ATP2A3: variants seen among roughly 807,000 people sequenced by gnomAD.
ATP2A3 encodes the protein ATPase sarcoplasmic/endoplasmic reticulum Ca2+ transporting 3, also known as sarcoplasmic/endoplasmic reticulum calcium ATPase 3.
Under a neutral mutation model 106.8 loss-of-function variants are expected in ATP2A3, and 61 were observed. The observed-to-expected ratio is 0.57, with a 90% CI of 0.46 to 0.71. The LOEUF is 0.71. Ranked by LOEUF, ATP2A3 falls within the 30% of genes least tolerant of loss-of-function variation. ATP2A3 has a pLI of 0.00. For synonymous variants in ATP2A3, 611 were observed against 609.3 expected (o/e 1.00, Z -0.04); for missense variants, 1,201 against 1,423.5 (o/e 0.84, Z 2.52).
chr17:3,927,155 C>T, intron 20 of ATP2A3: 1 of 985,434 alleles, frequency 1.0e-6, no homozygotes, highest in Non-Finnish European at 1.2e-6. Context: ...CAGCAGGAAT[C>T]TCTCCCTCCC....
chr17:3,926,744 A>G lies in ATP2A3; in HGVS notation c.2981-1303T>C, dbSNP rs1400500073. The G allele has an allele frequency of 5.4e-6, 3 of 554,448 alleles. No individual in the cohort carries two copies. The highest frequency in any genetic ancestry group is 6.9e-6 in the Non-Finnish European group (3 of 436,480). The allele number at this position is 554,448 out of a possible 1,614,324, so 34.3% of individuals were successfully genotyped here. On this transcript the variant is annotated intron_variant, in intron 20 of 20. Coordinates refer to ENST00000397041, the MANE Select transcript of ATP2A3 (RefSeq NM_005173.4). This position sits in a 1 kb window ranked among gnomAD's most constrained non-coding sequence, Gnocchi z 4.6. The stretch of plus-strand genomic sequence containing the variant: ...GCCACCACGCCCAGCTAATTTTTGT[A>G]TCTTTAGTAGAGATGGGGTTTCACC...
In ATP2A3 at chr17:3,942,693, C is replaced by A; in HGVS notation, c.1458G>T (p.Glu486Asp). The change falls in exon 12 of 21, where the codon GAG becomes GAT. Residue 486 changes from glutamate (E) to aspartate (D), a missense_variant. This residue lies in a region of ATP2A3 where 935 missense variants were observed against 1,176.7 expected (regional missense o/e 0.79). Transcript: ENST00000397041. Reference sequence around the variant, plus strand: ...ACATGGATTTCCGGTCTCGGGAGAACTCCAGGGTGAACTCCTTCCGCATCA... The same window carrying A: ...ACATGGATTTCCGGTCTCGGGAGAAATCCAGGGTGAACTCCTTCCGCATCA... ...KQLMRKEFTL[E>D]FSRDRKSMSV... The A allele has an allele frequency of 1.2e-6, 2 of 1,613,656 alleles. No individual in the cohort carries two copies. Among genetic ancestry groups the A allele is most frequent in the South Asian group, 2.2e-5 (2 of 91,084 alleles).
At chr17:3,956,047 A>G (rs2054761056) in intron 1 of ATP2A3, among the ~76,000 whole-genome samples, 1 of 151,864 alleles carries the variant, frequency 6.6e-6, no homozygotes, top group African/African-American at 2.4e-5. Flanking sequence ...ACGCCCAGCT[A>G]ATTTTTGTAT....
intron 1 of ATP2A3, among the ~76,000 whole-genome samples, chr17:3,962,695 A>G (rs1025838775): frequency 2.1e-5 from 3 of 144,582 alleles, no homozygotes; most frequent in South Asian, 2.3e-4. Context: ...CGCTGGACCA[A>G]TGAAGACATG....
intron 8 of ATP2A3, 127 bp from the exon 9 acceptor site, chr17:3,945,275 C>G: frequency 1.2e-6 from 1 of 812,474 alleles, no homozygotes; most frequent in Non-Finnish European, 1.9e-6. Flanking sequence ...CCTGGCCGTC[C>G]GTGCCCACCA....
At chr17:3,937,388 G>T in intron 15 of ATP2A3, 28 bp downstream of exon 15, 2 of 1,600,992 alleles carry the variant, frequency 1.2e-6, no homozygotes, top group Non-Finnish European at 1.7e-6. Flanking sequence ...GATTGAGAGG[G>T]CTGAGAGGAG....
In ATP2A3 at chr17:3,925,244, G is replaced by A. The variant is rs2052637628; in HGVS notation, c.*178C>T. The stretch of plus-strand genomic sequence containing the variant: ...ACCTCCCAGGCCAGAAGGAAGTGGG[G>A]ACAGAGACCCCAGGACGGGGCCCGG... On this transcript the variant is annotated 3_prime_UTR_variant, in exon 21 of 21. Coordinates refer to ENST00000397041, the MANE Select transcript of ATP2A3 (RefSeq NM_005173.4). This position sits in a 1 kb window ranked among gnomAD's most constrained non-coding sequence, Gnocchi z 4.2. 9.3e-6 allele frequency: 9 copies of A among 963,584 alleles called. No homozygotes were observed. In the South Asian group the frequency reaches 1.3e-4, roughly 14 times the overall value. 59.7% of individuals were successfully genotyped at this position (963,584 alleles called of 1,614,324 possible). A position where few individuals can be genotyped will look rare whatever the true frequency, so the allele number is the denominator to read the frequency against.
intron 1 of ATP2A3, among the ~76,000 whole-genome samples, chr17:3,959,987 G>A (rs2055050651): frequency 6.6e-6 from 1 of 152,204 alleles, no homozygotes; most frequent in African/African-American, 2.4e-5. Context: ...CTCCTGGGGG[G>A]CTTCAGCTGC....
chr17:3,964,125 C>T (rs1234196851), intron 1 of ATP2A3, 49 bp downstream of exon 1: 2 of 1,013,412 alleles, frequency 2.0e-6, no homozygotes. Flanking sequence ...ACTGAGACTG[C>T]GGCGCGCGCG....
At chr17:3,960,895 G>A (rs2055101057) in intron 1 of ATP2A3, among the ~76,000 whole-genome samples, 1 of 152,228 alleles carries the variant, frequency 6.6e-6, no homozygotes, top group South Asian at 2.1e-4. Context: ...GTGACATGAT[G>A]TGGCAACAAG....
At chr17:3,958,755 T>C (rs1033726706) in intron 1 of ATP2A3, among the ~76,000 whole-genome samples, 3 of 146,324 alleles carry the variant, frequency 2.1e-5, no homozygotes, top group Non-Finnish European at 3.0e-5. Flanking sequence ...CACACATATA[T>C]ATACACACAC....
At chr17:3,948,552 C>T (rs1355053829) in intron 7 of ATP2A3, among the ~76,000 whole-genome samples, 1 of 152,176 alleles carries the variant, frequency 6.6e-6, no homozygotes, top group East Asian at 1.9e-4. Context: ...TCCAAAGCTT[C>T]TTTTTATTAT....
At position 3,943,402 on chromosome 17, in the gene ATP2A3, C is replaced by T. The variant is rs757389317; in HGVS notation, c.1408G>A (p.Ala470Thr). ...CCAGCCCTGCTCACCGTGTTACAGG[C>T]GCCAGCTCGCTCCACCCGGGACAGA... ...QALSRVERAG[A>T]CNTVIKQLMR... Residue 470 changes from alanine to threonine, a missense_variant, in exon 11 of 21, where the codon GCC becomes ACC. By Grantham distance (58) the Ala-to-Thr change is moderately conservative. Coordinates refer to ENST00000397041, the MANE Select transcript of ATP2A3 (RefSeq NM_005173.4). 19 of 1,613,820 alleles carry T rather than the reference C, an allele frequency of 1.2e-5. No homozygotes were observed. Among genetic ancestry groups the T allele is most frequent in the African/African-American group, 2.7e-5 (2 of 74,906 alleles).
intron 10 of ATP2A3, 100 bp downstream of exon 10, chr17:3,944,603 AG>A (rs369402338): frequency 2.9e-5 from 37 of 1,264,610 alleles, no homozygotes; most frequent in Middle Eastern, 3.8e-4. Context: ...TGGCACTTCC[AG>A]GGAGCAAGGG....
At chr17:3,946,121 G>A (rs2054100465) in intron 8 of ATP2A3, among the ~76,000 whole-genome samples, 5 of 151,660 alleles carry the variant, frequency 3.3e-5, no homozygotes, top group Admixed American at 2.0e-4. Flanking sequence ...GGTGGCACGC[G>A]CCTGTAGTCC....
In ATP2A3 at chr17:3,932,064, G is replaced by A. The variant is rs896603694; in HGVS notation, c.2611-1630C>T. 3.9e-5 allele frequency among the ~76,000 whole-genome samples: 6 copies of A among 152,334 alleles called. No individual in the cohort carries two copies. In the East Asian group the frequency reaches 9.6e-4, roughly 24 times the overall value. On this transcript the variant is annotated intron_variant, in intron 17 of 20. Transcript: ENST00000397041. The stretch of plus-strand genomic sequence containing the variant: ...AGAGAATCTGATAATCTCTTAAATC[G>A]ATAGTGGACGTTTTCTCCAAAACTC...
rs2054168532 is a variant in ATP2A3, at chr17:3,947,341, G to T, written c.1095+50C>A. On this transcript the variant is annotated intron_variant, in intron 8 of 20. Transcript: ENST00000397041. The surrounding 1 kb of genome is among the most constrained non-coding windows in gnomAD (Gnocchi z 7.7). ...GGTGGGGGAGAGACCCAGAGAGGGAGCCCAGCCTGCTCTGCAACGCACAGC... is the reference window on the plus strand; with the variant it reads ...GGTGGGGGAGAGACCCAGAGAGGGATCCCAGCCTGCTCTGCAACGCACAGC... 2 of 1,605,304 alleles carry T rather than the reference G, an allele frequency of 1.2e-6. No homozygotes were observed. The highest frequency in any genetic ancestry group is 1.7e-6 in the Non-Finnish European group (2 of 1,173,820).
In ATP2A3 at chr17:3,936,525, G is replaced by C; in HGVS notation, c.2322-56C>G. On this transcript the variant is annotated intron_variant, in intron 15 of 20. Transcript: ENST00000397041. The surrounding 1 kb of genome is among the most constrained non-coding windows in gnomAD (Gnocchi z 5.4). ...TAGGCCTAGCCCCCGGCAGATGCAG[G>C]CTCCAGCTCCTGCTCAGACCCAAGG... is the stretch of plus-strand genomic sequence containing the variant. 10 of 1,588,402 alleles carry C rather than the reference G, an allele frequency of 6.3e-6. No individual in the cohort carries two copies. Among genetic ancestry groups the C allele is most frequent in the Non-Finnish European group, 6.9e-6 (8 of 1,158,826 alleles).
intron 14 of ATP2A3, among the ~76,000 whole-genome samples, chr17:3,939,049 C>A (rs570578943): frequency 6.6e-6 from 1 of 152,154 alleles, no homozygotes; most frequent in Admixed American, 6.5e-5. Context: ...TGCCTGTAGT[C>A]CCAGCTCCTC....
Sources: allele counts gnomAD v4.1 joint callset (sites outside exome capture counted in the v4.1 genomes callset), GRCh38; gene constraint gnomAD v4.1.1; regional missense constraint gnomAD v4.1.1; non-coding constraint Gnocchi (gnomAD v3.1); transcripts MANE v1.5; gene names NCBI Gene and HGNC (gene_info 2026-07-23, HGNC 2026-07-21).